Variants in SLC8A1 observed in about 807,000 individuals in gnomAD.
SLC8A1 encodes solute carrier family 8 member A1.
In SLC8A1, 18 loss-of-function variants were observed where a neutral mutation model predicts 68.3. The observed-to-expected ratio is 0.26, with a 90% CI of 0.18 to 0.39. SLC8A1 has a LOEUF of 0.39. Among genes scored for constraint, SLC8A1 ranks in the 10% least tolerant of loss-of-function variants. The pLI is 1.00. For synonymous variants in SLC8A1, 475 were observed against 415.5 expected (o/e 1.14, Z -1.74); for missense variants, 985 against 1,156.7 (o/e 0.85, Z 2.15).
intron 6 of SLC8A1, among the ~76,000 whole-genome samples, chr2:40,146,710 A>G (rs2042540598): frequency 6.6e-6 from 1 of 151,992 alleles, no homozygotes; most frequent in South Asian, 2.1e-4. Context: ...TTGGATATTA[A>G]TACTATTGTA....
intron 1 of SLC8A1, among the ~76,000 whole-genome samples, chr2:40,469,331 A>C (rs1358278583): frequency 6.6e-6 from 1 of 151,944 alleles, no homozygotes; most frequent in Non-Finnish European, 1.5e-5. Flanking sequence ...GTGAGTTCTG[A>C]TGGTTAAAAA....
At chr2:40,232,400 T>TC (rs1357049031) in intron 2 of SLC8A1, among the ~76,000 whole-genome samples, 6 of 116,322 alleles carry the variant, frequency 5.2e-5, no homozygotes, top group Admixed American at 1.8e-4. Context: ...AGTTATTTTT[T>TC]TTTTGTCTTC....
intron 2 of SLC8A1, among the ~76,000 whole-genome samples, chr2:40,222,546 A>G (rs2058469964): frequency 6.6e-6 from 1 of 152,366 alleles, no homozygotes; most frequent in Admixed American, 6.5e-5. Context: ...TAAACTGAAA[A>G]GCTTCTGCAC....
intron 2 of SLC8A1, among the ~76,000 whole-genome samples, chr2:40,248,855 G>A (rs1044271379): frequency 6.6e-6 from 1 of 152,100 alleles, no homozygotes; most frequent in African/African-American, 2.4e-5. Context: ...CTGGTTGGAC[G>A]GAGTTGTATT....
intron 2 of SLC8A1, among the ~76,000 whole-genome samples, chr2:40,222,989 G>C (rs1390161834): frequency 6.6e-6 from 1 of 152,030 alleles, no homozygotes; most frequent in Non-Finnish European, 1.5e-5. Flanking sequence ...AACTAGAAAT[G>C]TCATTTGACC....
At chr2:40,256,266 G>C (rs2063904579) in intron 2 of SLC8A1, among the ~76,000 whole-genome samples, 1 of 152,180 alleles carries the variant, frequency 6.6e-6, no homozygotes, top group Non-Finnish European at 1.5e-5. Flanking sequence ...AAGAGGGTAG[G>C]AGAGGTGTGG....
At chr2:40,219,052 T>A (rs539086250) in intron 2 of SLC8A1, among the ~76,000 whole-genome samples, 7 of 152,270 alleles carry the variant, frequency 4.6e-5, no homozygotes, top group Admixed American at 6.5e-5. Flanking sequence ...TGATATAATC[T>A]CCATAATCAT....
At chr2:40,227,723 T>TAAA (rs1313619297) in intron 2 of SLC8A1, among the ~76,000 whole-genome samples, 23 of 152,060 alleles carry the variant, frequency 1.5e-4, no homozygotes, top group African/African-American at 5.3e-4. Context: ...ATAATAATAA[T>TAAA]AAATCTCCTT....
At chr2:40,460,104 T>A (rs1393017974) in intron 1 of SLC8A1, among the ~76,000 whole-genome samples, 3 of 152,238 alleles carry the variant, frequency 2.0e-5, no homozygotes, top group Non-Finnish European at 2.9e-5. Flanking sequence ...TAAAGCAGAT[T>A]ACAACTCATA....
At chr2:40,249,326 A>C (rs1558947811) in intron 2 of SLC8A1, among the ~76,000 whole-genome samples, 1 of 152,218 alleles carries the variant, frequency 6.6e-6, no homozygotes, top group Admixed American at 6.5e-5. Flanking sequence ...TTTTGAAATA[A>C]AGAGAACAGT....
At chr2:40,463,582 A>T (rs1703467245) in intron 1 of SLC8A1, among the ~76,000 whole-genome samples, 1 of 152,142 alleles carries the variant, frequency 6.6e-6, no homozygotes, top group African/African-American at 2.4e-5. Flanking sequence ...GACAACTGGA[A>T]GATTAAAAAC....
At chr2:40,456,789 A>T (rs1358512830), upstream of SLC8A1, among the ~76,000 whole-genome samples, 2 of 152,180 alleles carry the variant, frequency 1.3e-5, no homozygotes, top group East Asian at 3.8e-4. Context: ...TTTCTATATA[A>T]TTAGATTCTA....
At chr2:40,288,524 C>T (rs1407342704) in intron 2 of SLC8A1, among the ~76,000 whole-genome samples, 1 of 152,038 alleles carries the variant, frequency 6.6e-6, no homozygotes, top group Non-Finnish European at 1.5e-5. Context: ...AGCTGAAACA[C>T]CCAAGTTGAG....
exon 8 of SLC8A1, chr2:40,106,373 G>A (rs545287128): frequency 2.6e-5 from 4 of 152,054 alleles, no homozygotes; most frequent in African/African-American, 7.2e-5. Flanking sequence ...AAGAGTCACT[G>A]GTAGAACCAA....
intron 2 of SLC8A1, among the ~76,000 whole-genome samples, chr2:40,415,458 T>C (rs2149716980): frequency 6.6e-6 from 1 of 151,284 alleles, no homozygotes; most frequent in South Asian, 2.1e-4. Flanking sequence ...GCCAATGTGG[T>C]TTGACTAGCA....
chr2:40,124,070 T>C (rs1166249605), intron 7 of SLC8A1, among the ~76,000 whole-genome samples: 1 of 152,234 alleles, frequency 6.6e-6, no homozygotes, highest in Non-Finnish European at 1.5e-5. Context: ...TTCTCTCCTA[T>C]TTTAGAGATA....
At chr2:40,371,318 A>G (rs1014507805) in intron 2 of SLC8A1, among the ~76,000 whole-genome samples, 1 of 152,124 alleles carries the variant, frequency 6.6e-6, no homozygotes, top group Non-Finnish European at 1.5e-5. Flanking sequence ...TATACATTAC[A>G]GCTTCAGAAA....
At position 40,354,399 on chromosome 2, in the gene SLC8A1, C is replaced by A. The variant is rs1033895153; in HGVS notation, c.1808+74074G>T. 2.6e-5 allele frequency among the ~76,000 whole-genome samples: 4 copies of A among 152,262 alleles called. No homozygotes were observed. In the East Asian group the frequency reaches 7.7e-4, roughly 29 times the overall value. On this transcript the variant is annotated intron_variant, in intron 2 of 7. Transcript: ENST00000406785. Reference sequence around the variant, plus strand: ...CTTTACCTTCAAGTCACACTCCGTGCACAGCCCACCCATCTGCTGACCTAT... The same window carrying A: ...CTTTACCTTCAAGTCACACTCCGTGAACAGCCCACCCATCTGCTGACCTAT...
At chr2:40,122,232 GCGCGCACA>G (rs1558434992) in intron 7 of SLC8A1, among the ~76,000 whole-genome samples, 2 of 110,274 alleles carry the variant, frequency 1.8e-5, no homozygotes, top group Middle Eastern at 4.9e-3. Context: ...ACACGTGTGC[GCGCGCACA>G]CACACACACA....
Sources: allele counts gnomAD v4.1 joint callset (sites outside exome capture counted in the v4.1 genomes callset), GRCh38; gene constraint gnomAD v4.1.1; transcripts MANE v1.5; gene names NCBI Gene and HGNC (gene_info 2026-07-23, HGNC 2026-07-21).